The following CLDN16 variants were observed in gnomAD, a reference collection of about 807,000 sequenced individuals.
The protein encoded by CLDN16 is claudin 16, also known as claudin-16.
Under a neutral mutation model 24.6 loss-of-function variants are expected in CLDN16, and 13 were observed. The observed-to-expected ratio is 0.53, with a 90% CI of 0.34 to 0.84. The LOEUF is 0.84. Among genes scored for constraint, CLDN16 ranks in the 40% least tolerant of loss-of-function variants. The probability of loss-of-function intolerance (pLI) is 0.01; values close to 1 mark genes in which losing one functional copy is unlikely to be tolerated. For synonymous variants in CLDN16, 116 were observed against 106.7 expected (o/e 1.09, Z -0.54); for missense variants, 298 against 292.7 (o/e 1.02, Z -0.13).
intron 1 of CLDN16, among the ~76,000 whole-genome samples, chr3:190,367,075 C>G (rs1024382540): frequency 2.6e-5 from 4 of 151,844 alleles, no homozygotes; most frequent in African/African-American, 9.7e-5. Flanking sequence ...CTTTGAAATC[C>G]TTTTTATCTT....
the CLDN16 span, among the ~76,000 whole-genome samples, chr3:190,309,050 T>C: frequency 6.6e-5 from 10 of 151,864 alleles, no homozygotes; most frequent in East Asian, 3.9e-4. Flanking sequence ...TAGAGAAGGG[T>C]TGGTTCTATA....
chr3:190,361,659 G>A (rs1577409475), intron 1 of CLDN16, among the ~76,000 whole-genome samples: 1 of 151,962 alleles, frequency 6.6e-6, no homozygotes, highest in Admixed American at 6.6e-5. Flanking sequence ...TAGGCAGAAA[G>A]TGAGGGCAAA....
chr3:190,349,073 G>A (rs187602377), intron 1 of CLDN16, among the ~76,000 whole-genome samples: 2 of 152,306 alleles, frequency 1.3e-5, no homozygotes, highest in Admixed American at 1.3e-4. Context: ...TCATTGATGG[G>A]CATTAAGGTT....
chr3:190,336,632 TC>T, intron 1 of CLDN16, among the ~76,000 whole-genome samples: 1 of 152,322 alleles, frequency 6.6e-6, no homozygotes, highest in East Asian at 1.9e-4. Context: ...GCCCAACAGA[TC>T]CTATAGTTGC....
intron 1 of CLDN16, among the ~76,000 whole-genome samples, chr3:190,367,850 T>C (rs532520039): frequency 2.6e-4 from 40 of 152,086 alleles, no homozygotes; most frequent in African/African-American, 9.4e-4. Flanking sequence ...TGGGCTGCAG[T>C]AGATACATTT....
chr3:190,359,957 C>G (rs879480932), intron 1 of CLDN16, among the ~76,000 whole-genome samples: 2 of 151,976 alleles, frequency 1.3e-5, no homozygotes, highest in East Asian at 3.9e-4. Flanking sequence ...GAATGCTTCT[C>G]TTGGCCAAGA....
upstream of CLDN16, chr3:190,387,925 G>A (rs1385785290): frequency 8.2e-6 from 5 of 610,950 alleles, no homozygotes; most frequent in Admixed American, 2.8e-5. Context: ...GCCTAAGAAA[G>A]ATCAGTTTAC....
intron 3 of CLDN16, among the ~76,000 whole-genome samples, chr3:190,382,634 T>C (rs1033510595): frequency 3.9e-5 from 6 of 152,268 alleles, no homozygotes; most frequent in African/African-American, 1.2e-4. Flanking sequence ...CCCTTCTTAA[T>C]TGAGCATAAT....
chr3:190,385,260 T>C (rs1037260120), upstream of CLDN16, among the ~76,000 whole-genome samples: 10 of 150,888 alleles, frequency 6.6e-5, no homozygotes, highest in African/African-American at 2.4e-4. Flanking sequence ...TATAGATTGG[T>C]GAGCAGTTTA....
At chr3:190,390,498 C>T (rs1449875342) in intron 1 of CLDN16, among the ~76,000 whole-genome samples, 1 of 152,086 alleles carries the variant, frequency 6.6e-6, no homozygotes, top group African/African-American at 2.4e-5. Flanking sequence ...TGTGCCACTG[C>T]ACTCCAGCCT....
At chr3:190,307,515 T>C in the CLDN16 span, 2 of 152,292 alleles carry the variant, frequency 1.3e-5, no homozygotes, top group East Asian at 3.9e-4. Context: ...TTTATCACTT[T>C]GGTCATGCAG....
At chr3:190,334,634 G>A (rs1717257765) in intron 1 of CLDN16, among the ~76,000 whole-genome samples, 2 of 152,246 alleles carry the variant, frequency 1.3e-5, no homozygotes, top group African/African-American at 2.4e-5. Context: ...GAAAGTCAGA[G>A]CACAGGAGAA....
chr3:190,372,783 C>A (rs1718169243), intron 2 of CLDN16, among the ~76,000 whole-genome samples: 1 of 151,922 alleles, frequency 6.6e-6, no homozygotes, highest in Admixed American at 6.6e-5. Context: ...AACATAAAAG[C>A]AGTCATTTGT....
chr3:190,375,743 A>T (rs1718234191), intron 3 of CLDN16, among the ~76,000 whole-genome samples: 2 of 151,892 alleles, frequency 1.3e-5, no homozygotes, highest in South Asian at 4.1e-4. Context: ...ATGCAAAATG[A>T]GTGCCTCACA....
intron 1 of CLDN16, among the ~76,000 whole-genome samples, chr3:190,325,097 T>C (rs923267064): frequency 6.6e-6 from 1 of 152,222 alleles, no homozygotes; most frequent in Non-Finnish European, 1.5e-5. Flanking sequence ...CTCTAAGTAA[T>C]GACAGCTGGC....
the CLDN16 span, among the ~76,000 whole-genome samples, chr3:190,312,243 A>G: frequency 6.6e-6 from 1 of 152,178 alleles, no homozygotes; most frequent in Admixed American, 6.6e-5. Context: ...AAAAACACGT[A>G]TTTATTTTAA....
chr3:190,306,398 T>A, the CLDN16 span: 1 of 152,254 alleles, frequency 6.6e-6, no homozygotes, highest in Non-Finnish European at 1.5e-5. Flanking sequence ...ACATTTTTTT[T>A]GTTTTCAAAC....
At chr3:190,313,731 GCCATGTTGTAAAA>G in the CLDN16 span, among the ~76,000 whole-genome samples, 1 of 152,110 alleles carries the variant, frequency 6.6e-6, no homozygotes, top group South Asian at 2.1e-4. Flanking sequence ...TATTTAAGCT[GCCATGTTGTAAAA>G]TAGCACACAC....
chr3:190,340,421 C>G (rs779560574), intron 1 of CLDN16, among the ~76,000 whole-genome samples: 2 of 152,164 alleles, frequency 1.3e-5, no homozygotes, highest in African/African-American at 4.8e-5. Context: ...CACGTGGTGG[C>G]AGACAAGAGC....
Sources: allele counts gnomAD v4.1 joint callset (sites outside exome capture counted in the v4.1 genomes callset), GRCh38; gene constraint gnomAD v4.1.1; transcripts MANE v1.5; gene names NCBI Gene and HGNC (gene_info 2026-07-23, HGNC 2026-07-21).